Variants in DOCK4 observed in about 807,000 individuals in gnomAD.
DOCK4 encodes dedicator of cytokinesis 4.
Under a neutral mutation model 268.1 loss-of-function variants are expected in DOCK4, and 97 were observed. That is an observed-to-expected ratio of 0.36 (90% CI 0.31 to 0.43). DOCK4 has a LOEUF of 0.43. DOCK4 is among the 20% of genes least tolerant of loss of function. The probability of loss-of-function intolerance (pLI) is 1.00; values close to 1 mark genes in which losing one functional copy is unlikely to be tolerated. For missense variants in DOCK4, 2,145 were observed against 2,455.7 expected (o/e 0.87, Z 2.67); for synonymous variants, 954 against 887.2 (o/e 1.08, Z -1.34).
At chr7:111,760,362 T>G (rs764850562) in intron 39 of DOCK4, 40 bp from the exon 40 acceptor site, 1 of 1,593,898 alleles carries the variant, frequency 6.3e-7, no homozygotes. Context: ...GCTATATAAC[T>G]GAGTGGATTA....
intron 1 of DOCK4, among the ~76,000 whole-genome samples, chr7:112,093,797 C>T (rs560409627): frequency 6.7e-5 from 10 of 150,280 alleles, no homozygotes; most frequent in African/African-American, 2.4e-4. Context: ...TTTAAAAATT[C>T]TATAGAAATA....
chr7:111,855,285 A>C (rs1237504174), intron 23 of DOCK4, among the ~76,000 whole-genome samples: 2 of 152,158 alleles, frequency 1.3e-5, no homozygotes, highest in Admixed American at 1.3e-4. Context: ...GAGAAAAGAC[A>C]GAGGCAGCTC....
At chr7:111,734,695 T>C (rs1277265794) in intron 51 of DOCK4, among the ~76,000 whole-genome samples, 1 of 152,166 alleles carries the variant, frequency 6.6e-6, no homozygotes, top group Non-Finnish European at 1.5e-5. Flanking sequence ...TGAATAAGAC[T>C]GAAGAAAGTA....
At chr7:111,847,167 C>T (rs749101146) in intron 23 of DOCK4, 41 bp from the exon 24 acceptor site, 1 of 1,610,882 alleles carries the variant, frequency 6.2e-7, no homozygotes, top group Non-Finnish European at 8.5e-7. Flanking sequence ...CTGTTGGAGT[C>T]CCACGCAATA....
At chr7:112,072,940 C>T (rs1807732707) in intron 1 of DOCK4, among the ~76,000 whole-genome samples, 1 of 152,174 alleles carries the variant, frequency 6.6e-6, no homozygotes, top group South Asian at 2.1e-4. Context: ...CAGCCCCTCC[C>T]ACGTGCTGGC....
intron 45 of DOCK4, 51 bp from the exon 46 acceptor site, chr7:111,741,712 A>T: frequency 1.9e-6 from 3 of 1,591,696 alleles, no homozygotes; most frequent in Non-Finnish European, 2.6e-6. Flanking sequence ...TTTGGGCAAA[A>T]TAACTTATGA....
intron 25 of DOCK4, among the ~76,000 whole-genome samples, chr7:111,836,141 T>C (rs1803222801): frequency 6.6e-6 from 1 of 151,678 alleles, no homozygotes; most frequent in South Asian, 2.1e-4. Context: ...AGGAAAAGAA[T>C]GATCTAGAAG....
intron 25 of DOCK4, among the ~76,000 whole-genome samples, chr7:111,844,182 C>G (rs937155626): frequency 6.6e-6 from 1 of 151,986 alleles, no homozygotes; most frequent in Non-Finnish European, 1.5e-5. Flanking sequence ...GGCTGAGGCA[C>G]GGAGAATTAC....
chr7:112,140,248 A>G (rs768139694), intron 1 of DOCK4, among the ~76,000 whole-genome samples: 9 of 152,202 alleles, frequency 5.9e-5, no homozygotes, highest in Non-Finnish European at 1.3e-4. Context: ...GCTCTCCCCT[A>G]GAATGGGAAA....
intron 1 of DOCK4, among the ~76,000 whole-genome samples, chr7:112,062,132 G>C (rs1806467913): frequency 6.6e-6 from 1 of 152,060 alleles, no homozygotes; most frequent in Admixed American, 6.5e-5. Flanking sequence ...TTATTCATTT[G>C]GTGAGCTAGT....
intron 36 of DOCK4, among the ~76,000 whole-genome samples, chr7:111,772,469 T>C (rs1297451982): frequency 6.6e-6 from 1 of 152,056 alleles, no homozygotes; most frequent in Non-Finnish European, 1.5e-5. Context: ...TAAAAATGGT[T>C]AAGATGGTAA....
chr7:111,901,590 A>T, intron 14 of DOCK4, 87 bp downstream of exon 14: 1 of 1,312,690 alleles, frequency 7.6e-7, no homozygotes, highest in Non-Finnish European at 1.0e-6. Context: ...ACTGATCGTA[A>T]ATCAGAAAAT....
At chr7:112,166,213 T>C (rs185128827) in intron 1 of DOCK4, among the ~76,000 whole-genome samples, 1 of 152,310 alleles carries the variant, frequency 6.6e-6, no homozygotes. Flanking sequence ...AACCTAGAAC[T>C]ATGCCATTAA....
chr7:112,185,755 T>C (rs984475255), intron 1 of DOCK4, among the ~76,000 whole-genome samples: 2 of 152,222 alleles, frequency 1.3e-5, no homozygotes, highest in African/African-American at 4.8e-5. Context: ...GGTCTCTACT[T>C]AACGTGTTCC....
intron 28 of DOCK4, 121 bp downstream of exon 28, chr7:111,811,753 A>T (rs1444060493): frequency 6.9e-5 from 45 of 654,770 alleles, no homozygotes; most frequent in Non-Finnish European, 5.4e-5. Flanking sequence ...ATATAATGAA[A>T]ACTGTTCTAA....
intron 1 of DOCK4, among the ~76,000 whole-genome samples, chr7:112,073,875 T>C (rs1256783013): frequency 6.6e-6 from 1 of 152,214 alleles, no homozygotes; most frequent in African/African-American, 2.4e-5. Flanking sequence ...TTAATTATAA[T>C]TTATTATATA....
chr7:112,096,473 G>T (rs1366904946), intron 1 of DOCK4, among the ~76,000 whole-genome samples: 2 of 152,114 alleles, frequency 1.3e-5, no homozygotes, highest in East Asian at 3.9e-4. Flanking sequence ...ATGAGCCACT[G>T]TGCCAGGCCT....
chr7:111,908,323 C>T (rs1331225681), intron 13 of DOCK4, among the ~76,000 whole-genome samples: 1 of 151,908 alleles, frequency 6.6e-6, no homozygotes, highest in Non-Finnish European at 1.5e-5. Flanking sequence ...TGGCGGGCGC[C>T]TGTAGTCCCA....
At chr7:111,895,486 C>G in intron 16 of DOCK4, 126 bp downstream of exon 16, 1 of 834,358 alleles carries the variant, frequency 1.2e-6, no homozygotes, top group Admixed American at 2.1e-5. Flanking sequence ...AGACATTCTC[C>G]CTGACAGCAA....
Sources: gnomAD v4.1 joint callset for allele counts (sites outside exome capture counted in the v4.1 genomes callset) on GRCh38, gnomAD v4.1.1 for gene constraint, MANE v1.5 for transcripts, NCBI Gene and HGNC (gene_info 2026-07-23, HGNC 2026-07-21) for gene names.